Variants in CNTNAP2 observed in about 807,000 individuals in gnomAD.
CNTNAP2 encodes the protein contactin-associated protein-like 2.
CNTNAP2 carries 98 observed loss-of-function variants against 155.2 expected under a neutral mutation model. The ratio of observed to expected loss-of-function variants is 0.63; its 90% CI spans 0.54 to 0.75. CNTNAP2 has a LOEUF of 0.75. CNTNAP2 is among the 30% of genes least tolerant of loss of function. CNTNAP2 has a pLI of 0.00. For missense variants in CNTNAP2, 1,727 were observed against 1,688.1 expected (o/e 1.02, Z -0.40); for synonymous variants, 651 against 631.2 (o/e 1.03, Z -0.47).
At chr7:146,612,260 C>T (rs1205186362) in intron 1 of CNTNAP2, among the ~76,000 whole-genome samples, 1 of 152,086 alleles carries the variant, frequency 6.6e-6, no homozygotes, top group Non-Finnish European at 1.5e-5. Flanking sequence ...CATACTCTCT[C>T]ATACTCACAT....
chr7:146,405,280 T>A (rs904119216), intron 1 of CNTNAP2, among the ~76,000 whole-genome samples: 2 of 152,152 alleles, frequency 1.3e-5, no homozygotes, highest in African/African-American at 2.4e-5. Context: ...CTTGGGTCTC[T>A]CTCACTGGCA....
chr7:146,179,937 A>G (rs1798526520), intron 1 of CNTNAP2, among the ~76,000 whole-genome samples: 1 of 152,164 alleles, frequency 6.6e-6, no homozygotes, highest in Admixed American at 6.5e-5. Flanking sequence ...AATGATTTTT[A>G]GTAGGAAAGT....
chr7:147,543,088 A>C (rs917258973), intron 11 of CNTNAP2, among the ~76,000 whole-genome samples: 2 of 152,216 alleles, frequency 1.3e-5, no homozygotes, highest in Non-Finnish European at 2.9e-5. Context: ...CAGAGCTGAG[A>C]GCCCCGAACA....
intron 2 of CNTNAP2, among the ~76,000 whole-genome samples, chr7:146,800,370 G>T (rs1802852835): frequency 1.3e-5 from 2 of 152,174 alleles, no homozygotes; most frequent in African/African-American, 2.4e-5. Flanking sequence ...GCCCGGGGTG[G>T]CCTGGGAAGA....
chr7:146,396,272 T>C lies in CNTNAP2; in HGVS notation c.97+279299T>C, dbSNP rs369267883. 9.2e-5 allele frequency among the ~76,000 whole-genome samples: 14 copies of C among 152,270 alleles called. No homozygotes were observed. The East Asian group carries it at 2.3e-3, about 25-fold the overall frequency. On this transcript the variant is annotated intron_variant, in intron 1 of 23. Coordinates refer to ENST00000361727, the MANE Select transcript of CNTNAP2 (RefSeq NM_014141.6). ...TAAATGTATAATTTTACTCACAACA[T>C]TTCAACAACTTTCCTAACTTGCATA...
chr7:146,980,958 A>G (rs2129236625), intron 3 of CNTNAP2, among the ~76,000 whole-genome samples: 1 of 152,212 alleles, frequency 6.6e-6, no homozygotes, highest in South Asian at 2.1e-4. Context: ...TGCTTTTTCT[A>G]CCCCTTAGCC....
At chr7:146,787,673 G>A (rs1194529781) in intron 2 of CNTNAP2, among the ~76,000 whole-genome samples, 5 of 152,194 alleles carry the variant, frequency 3.3e-5, no homozygotes, top group South Asian at 2.1e-4. Context: ...ACCCGAGCAG[G>A]TTGTCACTGC....
In CNTNAP2 at chr7:148,392,440, T is replaced by C. The variant is rs1157329699; in HGVS notation, c.3715+8552T>C. Among the ~76,000 whole-genome samples the C allele has an allele frequency of 2.0e-5, 3 of 152,198 alleles. No homozygotes were observed. In the East Asian group the frequency reaches 5.8e-4, roughly 29 times the overall value. The stretch of plus-strand genomic sequence containing the variant: ...TTCTCAGCAAAGTTTGCATGGTATG[T>C]GATGTGTGGTGCATCTCACCCCAGA... On this transcript the variant is annotated intron_variant, in intron 22 of 23. Transcript: ENST00000361727.
At chr7:146,148,204 A>T (rs1284068272) in intron 1 of CNTNAP2, among the ~76,000 whole-genome samples, 1 of 152,124 alleles carries the variant, frequency 6.6e-6, no homozygotes, top group Non-Finnish European at 1.5e-5. Context: ...TAAATTATTA[A>T]TAAGACGATG....
intron 9 of CNTNAP2, among the ~76,000 whole-genome samples, chr7:147,335,844 G>A (rs1247828628): frequency 6.6e-5 from 10 of 150,476 alleles, no homozygotes; most frequent in Non-Finnish European, 1.5e-4. Context: ...TTTAATATCT[G>A]AAGGTCATTG....
intron 13 of CNTNAP2, among the ~76,000 whole-genome samples, chr7:147,796,933 G>A (rs1273508776): frequency 6.6e-6 from 1 of 152,144 alleles, no homozygotes; most frequent in Non-Finnish European, 1.5e-5. Flanking sequence ...TTAACAAAGA[G>A]TGGGTCTTAG....
At chr7:147,201,078 A>C (rs1802912998) in intron 8 of CNTNAP2, among the ~76,000 whole-genome samples, 1 of 152,214 alleles carries the variant, frequency 6.6e-6, no homozygotes, top group Admixed American at 6.5e-5. Flanking sequence ...TGGAGGCTAA[A>C]GCCTAATTCT....
intron 8 of CNTNAP2, among the ~76,000 whole-genome samples, chr7:147,249,770 T>C (rs1804151933): frequency 6.6e-6 from 1 of 152,142 alleles, no homozygotes; most frequent in Admixed American, 6.6e-5. Context: ...AGTTGTGATA[T>C]AACTTTGGGC....
At chr7:148,308,751 G>A (rs772532480) in intron 21 of CNTNAP2, among the ~76,000 whole-genome samples, 6 of 72,466 alleles carry the variant, frequency 8.3e-5, no homozygotes, top group East Asian at 7.6e-4. Context: ...AATAGGCCCC[G>A]GTGTGTGATG....
chr7:147,867,259 G>A lies in CNTNAP2; in HGVS notation c.2099-36306G>A, dbSNP rs551342005. Among the ~76,000 whole-genome samples, 7 of 152,282 alleles carry A rather than the reference G, an allele frequency of 4.6e-5. No individual in the cohort carries two copies. In the South Asian group the frequency reaches 1.5e-3, roughly 32 times the overall value. On this transcript the variant is annotated intron_variant, in intron 13 of 23. Coordinates refer to ENST00000361727, the MANE Select transcript of CNTNAP2 (RefSeq NM_014141.6). ...CTGGGTTGAAAATTCTTTTCTTTAA[G>A]AACGTTGAATATTGACCCCAACTCT...
chr7:148,311,982 A>G (rs1797603112), intron 21 of CNTNAP2, among the ~76,000 whole-genome samples: 1 of 152,224 alleles, frequency 6.6e-6, no homozygotes, highest in East Asian at 1.9e-4. Flanking sequence ...ACAAAGAGTG[A>G]GTACACCTGA....
At chr7:146,375,257 G>C (rs543080649) in intron 1 of CNTNAP2, among the ~76,000 whole-genome samples, 2 of 152,138 alleles carry the variant, frequency 1.3e-5, no homozygotes, top group Non-Finnish European at 2.9e-5. Flanking sequence ...AAATGCTTTT[G>C]CTCTTTCTCT....
At chr7:147,901,473 A>T (rs553634559) in intron 13 of CNTNAP2, among the ~76,000 whole-genome samples, 1 of 152,334 alleles carries the variant, frequency 6.6e-6, no homozygotes, top group South Asian at 2.1e-4. Context: ...TCTGCTGTCC[A>T]TCTATCTCTT....
intron 1 of CNTNAP2, among the ~76,000 whole-genome samples, chr7:146,316,823 T>C (rs2129091675): frequency 6.6e-6 from 1 of 152,200 alleles, no homozygotes; most frequent in South Asian, 2.1e-4. Context: ...GCACACCTAC[T>C]CTTTCCAAGA....
Sources: allele counts gnomAD v4.1 joint callset (sites outside exome capture counted in the v4.1 genomes callset), GRCh38; gene constraint gnomAD v4.1.1; transcripts MANE v1.5; gene names NCBI Gene and HGNC (gene_info 2026-07-23, HGNC 2026-07-21).